The following ZSWIM2 variants were observed in gnomAD, a reference collection of about 807,000 sequenced individuals.
The protein encoded by ZSWIM2 is E3 ubiquitin-protein ligase ZSWIM2.
In ZSWIM2, 38 loss-of-function variants were observed where a neutral mutation model predicts 48.4. That is an observed-to-expected ratio of 0.79 (90% CI 0.61 to 1.03). ZSWIM2 has a LOEUF of 1.03. Among genes scored for constraint, ZSWIM2 ranks in the 50% least tolerant of loss-of-function variants. The pLI, the probability that ZSWIM2 is intolerant of heterozygous loss-of-function variation, is 0.00. For missense variants in ZSWIM2, 776 were observed against 730.2 expected (o/e 1.06, Z -0.72); for synonymous variants, 240 against 251.3 (o/e 0.96, Z 0.42).
chr2:186,847,918 T>C lies in ZSWIM2; in HGVS notation c.166-123A>G, dbSNP rs1253664156. On this transcript the variant is annotated intron_variant, in intron 1 of 8. Coordinates refer to ENST00000295131, the MANE Select transcript of ZSWIM2 (RefSeq NM_182521.3). ...AGGTGATTCAAAAAGGTTGAATAGATTCTACTGGAGAATCTTAATTCTTGA... is the reference window on the plus strand; with the variant it reads ...AGGTGATTCAAAAAGGTTGAATAGACTCTACTGGAGAATCTTAATTCTTGA... 5.2e-6 allele frequency: 3 copies of C among 575,180 alleles called. No homozygotes were observed. The Admixed American group carries it at 1.0e-4, about 19-fold the overall frequency. The allele number at this position is 575,180 out of a possible 1,614,324, so 35.6% of individuals were successfully genotyped here.
In ZSWIM2 at chr2:186,837,550, C is replaced by T; in HGVS notation, c.499G>A (p.Gly167Ser). The T allele has an allele frequency of 6.2e-7, 1 of 1,607,424 alleles. No homozygotes were observed. Among genetic ancestry groups the T allele is most frequent in the Non-Finnish European group, 8.5e-7 (1 of 1,176,664 alleles). ...TTTATATGAATACTATTGCCACAGC[C>T]AAACCTATGAGAGATAAAATTGAAG... The part of the protein sequence containing the change: ...KKLPVTFCRF[G>S]CGNSIHIKCM... The change falls in exon 5 of 9, where the codon GGC becomes AGC. Residue 167 changes from glycine to serine, a missense_variant. Physicochemically the swap from Gly to Ser is moderately conservative, Grantham distance 56 (BLOSUM62 0). Coordinates refer to ENST00000295131, the MANE Select transcript of ZSWIM2 (RefSeq NM_182521.3).
chr2:186,836,795 G>A (rs13400804), intron 5 of ZSWIM2, among the ~76,000 whole-genome samples: 24,878 of 152,056 alleles, frequency 0.16, 2,841 homozygotes, highest in African/African-American at 0.33. Flanking sequence ...CTATGTTTTT[G>A]TAGTTGTTGA....
At chr2:186,847,966 T>C (rs887584394) in intron 1 of ZSWIM2, among the ~76,000 whole-genome samples, 171 bp from the exon 2 acceptor site, 1 of 152,222 alleles carries the variant, frequency 6.6e-6, no homozygotes, top group African/African-American at 2.4e-5. Context: ...GGCTTCATTA[T>C]TTATCTTTGT....
At chr2:186,829,581 T>C in intron 8 of ZSWIM2, 146 bp downstream of exon 8, 1 of 668,166 alleles carries the variant, frequency 1.5e-6, no homozygotes, top group East Asian at 2.9e-5. Flanking sequence ...ATAGTCTCTG[T>C]GGTAGTTCTT....
At position 186,848,978 on chromosome 2, in the gene ZSWIM2, GTA is replaced by G. The variant is rs1274751813; in HGVS notation, c.151_152del (p.Tyr51HisfsTer14). Reference protein sequence around the residue: ...GFLLREEEPEYMDFRVFLGNP... With the variant: ...GFLLREEEPEXMDFRVFLGNP... ...GGGCGGTAGTTACTCGGAAATCCATGTATTCCGGCTCCTCCTCCCTCAGCAGG... is the reference window on the plus strand; with the variant it reads ...GGGCGGTAGTTACTCGGAAATCCATGTTCCGGCTCCTCCTCCCTCAGCAGG... On this transcript the variant is annotated frameshift_variant, in exon 1 of 9. Transcript: ENST00000295131. LOFTEE classifies it high-confidence loss of function. 10 of 1,613,968 alleles carry G rather than the reference GTA, an allele frequency of 6.2e-6. No homozygotes were observed. The highest frequency in any genetic ancestry group is 1.3e-5 in the African/African-American group (1 of 74,920).
In ZSWIM2 at chr2:186,829,791, C is replaced by T. The variant is rs1226419271; in HGVS notation, c.1031G>A (p.Cys344Tyr). The part of the protein sequence containing the change: ...NSKLLAPGYQ[C>Y]LLCLKAFHLG... ...ATGAAATGCCTTCAAACAAAGTAGA[C>T]ACTGGTAGCCTGGAGCAAGCAGCTT... The change falls in exon 8 of 9, where the codon TGT (cysteine) becomes TAT (tyrosine). Residue 344 changes from cysteine to tyrosine, a missense_variant. Transcript: ENST00000295131. The T allele has an allele frequency of 3.1e-6, 5 of 1,613,594 alleles. No homozygotes were observed. In the Admixed American group the frequency reaches 6.7e-5, roughly 22 times the overall value.
rs530479029 is a variant in ZSWIM2, at chr2:186,838,233, T to A, written c.495-679A>T. 9.5e-3 allele frequency among the ~76,000 whole-genome samples: 1,428 copies of A among 150,038 alleles called. 26 individuals carry two copies. The highest frequency in any genetic ancestry group is 0.033 in the African/African-American group (1,370 of 40,978). On this transcript the variant is annotated intron_variant, in intron 4 of 8. Coordinates refer to ENST00000295131, the MANE Select transcript of ZSWIM2 (RefSeq NM_182521.3). ...AAGATTTAAAGTATAATAAAAAAATTAAAAATAAAATAAAATAAAAGTAGA... is the reference window on the plus strand; with the variant it reads ...AAGATTTAAAGTATAATAAAAAAATAAAAAATAAAATAAAATAAAAGTAGA...
At chr2:186,844,617 T>C in intron 3 of ZSWIM2, 100 bp downstream of exon 3, 1 of 1,230,922 alleles carries the variant, frequency 8.1e-7, no homozygotes, top group South Asian at 1.5e-5. Flanking sequence ...AAAGTAACCA[T>C]CTAAATTTAG....
rs760331102 is a variant in ZSWIM2, at chr2:186,833,090, A to G, written c.941+30T>C. 2.9e-6 allele frequency: 3 copies of G among 1,035,242 alleles called. No homozygotes were observed. The South Asian group carries it at 5.2e-5, about 18-fold the overall frequency. 64.1% of individuals were successfully genotyped at this position (1,035,242 alleles called of 1,614,324 possible). A position where few individuals can be genotyped will look rare whatever the true frequency, so the allele number is the denominator to read the frequency against. ...AAGTTATTCAAAGATTCTGTCATAC[A>G]ACAAATATAAAATTTACTGGGAACC... On this transcript the variant is annotated intron_variant, in intron 7 of 8. Transcript: ENST00000295131.
Position 186,841,620 on chromosome 2 carries a change from C to T in ZSWIM2, c.284-2451G>A, listed in dbSNP as rs990838637. ...TATAACAAGCAGTTAGAAATAAATG[C>T]CTAATAGTGGAAGAATGTTAAATTG... On this transcript the variant is annotated intron_variant, in intron 3 of 8. Transcript: ENST00000295131. Among the ~76,000 whole-genome samples the T allele has an allele frequency of 2.6e-5, 4 of 151,156 alleles. No individual in the cohort carries two copies. The East Asian group carries it at 7.7e-4, about 29-fold the overall frequency.
At chr2:186,848,542 G>C (rs1692045209) in intron 1 of ZSWIM2, among the ~76,000 whole-genome samples, 1 of 152,168 alleles carries the variant, frequency 6.6e-6, no homozygotes. Flanking sequence ...TGAGCAAAGA[G>C]TAAAGGGAAA....
At chr2:186,842,487 A>C (rs935235035) in intron 3 of ZSWIM2, among the ~76,000 whole-genome samples, 5 of 151,422 alleles carry the variant, frequency 3.3e-5, no homozygotes, top group African/African-American at 1.2e-4. Context: ...CCTACTGTAG[A>C]CTGAATGGTT....
intron 8 of ZSWIM2, among the ~76,000 whole-genome samples, 181 bp downstream of exon 8, chr2:186,829,546 C>T (rs748626372): frequency 3.8e-4 from 58 of 152,076 alleles, no homozygotes; most frequent in Non-Finnish European, 7.2e-4. Flanking sequence ...ATAAAGACAT[C>T]CTCAGGGAGA....
At position 186,837,257 on chromosome 2, in the gene ZSWIM2, T is replaced by TA. The variant is rs200512970; in HGVS notation, c.743+48dup. The TA allele has an allele frequency of 1.7e-4, 271 of 1,595,174 alleles. No individual in the cohort carries two copies. The African/African-American group carries it at 3.1e-3, about 18-fold the overall frequency. On this transcript the variant is annotated intron_variant, in intron 5 of 8. Coordinates refer to ENST00000295131, the MANE Select transcript of ZSWIM2 (RefSeq NM_182521.3). Reference sequence around the variant, plus strand: ...CTCTAATGCTCAAAGTTTCCTGATGTAAAAAAATAAAAAAGAACACATGCT... The same window carrying TA: ...CTCTAATGCTCAAAGTTTCCTGATGTAAAAAAAATAAAAAAGAACACATGCT...
In ZSWIM2 at chr2:186,828,712, G is replaced by T. The variant is rs112218201; in HGVS notation, c.1174C>A (p.Pro392Thr). The change falls in exon 9 of 9, where the codon CCT becomes ACT. Residue 392 changes from proline to threonine, a missense_variant. By Grantham distance (38) the Pro-to-Thr change is conservative. Coordinates refer to ENST00000295131, the MANE Select transcript of ZSWIM2 (RefSeq NM_182521.3). The stretch of plus-strand genomic sequence containing the variant: ...ACTGCTGAATTTTTCCAAGTTAAAG[G>T]GTTATATATAACTTGTCCATCAATA... Reference protein sequence around the residue: ...CPIDGQVIYNPLTWKNSAVNG... With the variant: ...CPIDGQVIYNTLTWKNSAVNG... 324 of 1,611,848 alleles carry T rather than the reference G, an allele frequency of 2.0e-4. No homozygotes were observed. The African/African-American group carries it at 2.8e-3, about 14-fold the overall frequency.
intron 2 of ZSWIM2, among the ~76,000 whole-genome samples, chr2:186,847,184 T>G (rs1213349135): frequency 6.6e-6 from 1 of 152,026 alleles, no homozygotes. Flanking sequence ...ACCTGAACTA[T>G]TTATAAAAAT....
chr2:186,837,695 C>A, intron 4 of ZSWIM2, 141 bp from the exon 5 acceptor site: 1 of 243,068 alleles, frequency 4.1e-6, no homozygotes, highest in Non-Finnish European at 6.8e-6. Context: ...AAAATAGATT[C>A]TGAACTGATT....
At chr2:186,837,604 T>A (rs762649735) in intron 4 of ZSWIM2, 50 bp from the exon 5 acceptor site, 1 of 997,542 alleles carries the variant, frequency 1.0e-6, no homozygotes, top group African/African-American at 1.9e-5. Flanking sequence ...CAGTTTTACA[T>A]ATCCATTGTA....
intron 2 of ZSWIM2, among the ~76,000 whole-genome samples, chr2:186,846,806 C>T (rs1209817022): frequency 6.2e-4 from 27 of 43,296 alleles, no homozygotes; most frequent in African/African-American, 2.3e-3. Context: ...TACACACACA[C>T]ACACATATAT....
Sources: allele counts gnomAD v4.1 joint callset (sites outside exome capture counted in the v4.1 genomes callset), GRCh38; gene constraint gnomAD v4.1.1; transcripts MANE v1.5; gene names NCBI Gene and HGNC (gene_info 2026-07-23, HGNC 2026-07-21).